The following NEAT1 variants were observed in gnomAD, a reference collection of about 807,000 sequenced individuals.
The protein encoded by NEAT1 is MENepsilon/beta.
At chr11:65,426,080 G>C (rs772734587) in exon 1 of NEAT1, 1 of 152,140 alleles carries the variant, frequency 6.6e-6, no homozygotes, top group Non-Finnish European at 1.5e-5. Context: ...CTACATGTGT[G>C]ATCTGAAAAC....
chr11:65,440,330 C>A (rs977631405), exon 1 of NEAT1: 5 of 151,608 alleles, frequency 3.3e-5, no homozygotes, highest in African/African-American at 9.7e-5. Context: ...GAAGGCCAAG[C>A]GTGGTGGCAT....
chr11:65,428,133 C>T (rs568694083), exon 1 of NEAT1: 1 of 152,322 alleles, frequency 6.6e-6, no homozygotes, highest in Non-Finnish European at 1.5e-5. Context: ...CATCCTTATG[C>T]ATAGATCTGA....
At chr11:65,425,190 T>C (rs753517496) in exon 1 of NEAT1, 1 of 152,138 alleles carries the variant, frequency 6.6e-6, no homozygotes, top group Non-Finnish European at 1.5e-5. Context: ...CTTAGAACTT[T>C]AAGTGCAAAC....
exon 1 of NEAT1, chr11:65,423,241 G>A (rs925848625): frequency 6.6e-6 from 1 of 152,608 alleles, no homozygotes; most frequent in African/African-American, 2.4e-5. Flanking sequence ...GCTGCAGGAG[G>A]GCCGGGAGGG....
exon 1 of NEAT1, chr11:65,444,755 G>A: frequency 2.0e-5 from 6 of 304,510 alleles, no homozygotes; most frequent in South Asian, 1.6e-4. Context: ...CCAGGTTAGA[G>A]TCAAGTGACA....
exon 1 of NEAT1, chr11:65,423,347 C>G (rs1856520496): frequency 6.6e-6 from 1 of 152,410 alleles, no homozygotes; most frequent in Middle Eastern, 3.3e-3. Context: ...TGGAACTGAA[C>G]TTAGCTCGAC....
At chr11:65,428,085 G>A (rs1814581195) in exon 1 of NEAT1, 1 of 152,206 alleles carries the variant, frequency 6.6e-6, no homozygotes, top group Non-Finnish European at 1.5e-5. Context: ...GACAGGAGGT[G>A]TTGATGGCAG....
exon 1 of NEAT1, chr11:65,438,546 C>T (rs673753): frequency 0.15 from 22,755 of 152,156 alleles, 2,009 homozygotes; most frequent in South Asian, 0.29. Flanking sequence ...GTCTCTCCCC[C>T]TAGTCTTTGG....
At chr11:65,424,523 G>A (rs985438102) in exon 1 of NEAT1, 2 of 152,186 alleles carry the variant, frequency 1.3e-5, no homozygotes, top group Non-Finnish European at 2.9e-5. Flanking sequence ...TGCGTTTCTC[G>A]GAGAAGTTCT....
exon 1 of NEAT1, chr11:65,423,314 C>T (rs1856519842): frequency 6.6e-6 from 1 of 152,412 alleles, no homozygotes; most frequent in Non-Finnish European, 1.5e-5. Flanking sequence ...TGTGAACCCG[C>T]CTGGGGATGA....
chr11:65,423,310 C>A, exon 1 of NEAT1: 1 of 152,574 alleles, frequency 6.6e-6, no homozygotes. Flanking sequence ...GGGCTGTGAA[C>A]CCGCCTGGGG....
chr11:65,444,428 G>A (rs777974469), exon 1 of NEAT1: 4 of 471,832 alleles, frequency 8.5e-6, no homozygotes, highest in South Asian at 1.5e-5. Context: ...GTGTCCCTGA[G>A]CAGGTTACAG....
At chr11:65,435,663 G>A (rs1459713179) in exon 1 of NEAT1, 1 of 152,200 alleles carries the variant, frequency 6.6e-6, no homozygotes, top group African/African-American at 2.4e-5. Flanking sequence ...TGGTGACACT[G>A]TTTTGTGAGA....
exon 1 of NEAT1, chr11:65,443,059 G>C (rs1353160265): frequency 1.3e-5 from 2 of 152,154 alleles, no homozygotes; most frequent in African/African-American, 4.8e-5. Flanking sequence ...AATGTTCCAT[G>C]GCAGTGGGAA....
exon 1 of NEAT1, chr11:65,427,750 C>T (rs1012930232): frequency 2.6e-5 from 4 of 152,160 alleles, no homozygotes; most frequent in African/African-American, 9.7e-5. Flanking sequence ...CCTCTATAAC[C>T]GCCTTCTCTT....
At chr11:65,444,416 G>T (rs1856746734) in exon 1 of NEAT1, 5 of 470,896 alleles carry the variant, frequency 1.1e-5, no homozygotes, top group Admixed American at 4.8e-5. Context: ...GGCCTGACAT[G>T]TGTGTCCCTG....
At chr11:65,428,535 TGAA>T (rs1856583786) in exon 1 of NEAT1, 1 of 152,170 alleles carries the variant, frequency 6.6e-6, no homozygotes, top group South Asian at 2.1e-4. Flanking sequence ...GGGCATGAAA[TGAA>T]GACACCCAAA....
At chr11:65,440,546 G>C (rs576543298) in exon 1 of NEAT1, 1 of 151,936 alleles carries the variant, frequency 6.6e-6, no homozygotes, top group Non-Finnish European at 1.5e-5. Flanking sequence ...CTGGGAGGGA[G>C]GCAGCAGTGG....
chr11:65,436,155 G>A (rs1362039475), exon 1 of NEAT1: 1 of 152,206 alleles, frequency 6.6e-6, no homozygotes, highest in Non-Finnish European at 1.5e-5. Flanking sequence ...TCACTCATAG[G>A]GGCACAGGGA....
Sources: gnomAD v4.1 joint callset for allele counts on GRCh38, gnomAD v4.1.1 for gene constraint, MANE v1.5 for transcripts, NCBI Gene and HGNC (gene_info 2026-07-23, HGNC 2026-07-21) for gene names.